The following TATDN1 variants were observed in gnomAD, a reference collection of about 807,000 sequenced individuals.
TATDN1 encodes the protein TatD DNase domain containing 1.
A neutral mutation model predicts 46.4 loss-of-function variants in TATDN1; 40 were observed. The observed-to-expected ratio is 0.86, with a 90% CI of 0.67 to 1.12. The LOEUF (loss-of-function observed/expected upper bound fraction) is 1.12, where lower values mean the gene tolerates loss of function less well. TATDN1 is among the 50% of genes most tolerant of loss of function. TATDN1 has a pLI of 0.00. For synonymous variants in TATDN1, 95 were observed against 105.6 expected (o/e 0.90, Z 0.62); for missense variants, 326 against 348.4 (o/e 0.94, Z 0.51).
chr8:124,507,112 A>T (rs1013899663), intron 8 of TATDN1, among the ~76,000 whole-genome samples: 1 of 151,880 alleles, frequency 6.6e-6, no homozygotes, highest in African/African-American at 2.4e-5. Context: ...CAGTGAGCTG[A>T]GATTGTGCCA....
intron 1 of TATDN1, 167 bp from the exon 2 acceptor site, chr8:124,523,169 G>A: frequency 1.7e-6 from 1 of 603,688 alleles, no homozygotes; most frequent in Non-Finnish European, 2.9e-6. Context: ...GGGATACAAA[G>A]ATGAATAGGA....
At chr8:124,520,872 G>A (rs1819977794) in intron 3 of TATDN1, among the ~76,000 whole-genome samples, 1 of 150,444 alleles carries the variant, frequency 6.6e-6, no homozygotes, top group Non-Finnish European at 1.5e-5. Context: ...GAACCCGGGA[G>A]GCAGAGCTTG....
chr8:124,534,274 A>T (rs138234877), intron 1 of TATDN1, among the ~76,000 whole-genome samples: 658 of 151,838 alleles, frequency 4.3e-3, no homozygotes, highest in Non-Finnish European at 7.2e-3. Context: ...TACATTTTTA[A>T]ATAGTTGAAG....
intron 1 of TATDN1, among the ~76,000 whole-genome samples, chr8:124,534,401 T>C (rs953535797): frequency 1.3e-5 from 2 of 152,190 alleles, no homozygotes; most frequent in African/African-American, 2.4e-5. Flanking sequence ...CACCTGCTTT[T>C]GAATGACAAG....
chr8:124,519,610 A>C (rs1819852180), intron 3 of TATDN1, among the ~76,000 whole-genome samples: 1 of 152,228 alleles, frequency 6.6e-6, no homozygotes, highest in South Asian at 2.1e-4. Context: ...TTAATATAGT[A>C]TGTATCAGTA....
At chr8:124,504,047 A>C (rs1016598113) in intron 9 of TATDN1, 1 of 921,380 alleles carries the variant, frequency 1.1e-6, no homozygotes, top group African/African-American at 1.7e-5. Context: ...ATTGTTTTCC[A>C]TTATTAGAAC....
chr8:124,500,412 T>C (rs938447635), intron 9 of TATDN1, among the ~76,000 whole-genome samples: 9 of 152,088 alleles, frequency 5.9e-5, no homozygotes, highest in Admixed American at 4.6e-4. Flanking sequence ...CATTTAGAAA[T>C]ATCTAAGACA....
At chr8:124,494,076 C>T (rs566878009) in intron 10 of TATDN1, 117 bp from the exon 11 acceptor site, 32 of 981,728 alleles carry the variant, frequency 3.3e-5, no homozygotes, top group South Asian at 6.7e-5. Flanking sequence ...CAAAATGGCA[C>T]AGTTATTTCA....
At chr8:124,536,412 T>C (rs1821431772) in intron 1 of TATDN1, among the ~76,000 whole-genome samples, 2 of 152,084 alleles carry the variant, frequency 1.3e-5, no homozygotes, top group South Asian at 2.1e-4. Flanking sequence ...CCTGGTATGG[T>C]GGTGAGCACC....
intron 2 of TATDN1, 55 bp from the exon 3 acceptor site, chr8:124,522,255 T>G: frequency 9.0e-7 from 1 of 1,108,676 alleles, no homozygotes; most frequent in Admixed American, 2.1e-5. Flanking sequence ...ATTTGACTTT[T>G]TTTTTTAGCT....
intron 9 of TATDN1, among the ~76,000 whole-genome samples, chr8:124,495,829 C>G (rs977606997): frequency 6.6e-6 from 1 of 152,230 alleles, no homozygotes; most frequent in Non-Finnish European, 1.5e-5. Context: ...AAGAATTCAT[C>G]TGCTTCTGAG....
At chr8:124,509,987 T>C (rs1818862256) in intron 6 of TATDN1, among the ~76,000 whole-genome samples, 1 of 145,996 alleles carries the variant, frequency 6.8e-6, no homozygotes, top group South Asian at 2.1e-4. Flanking sequence ...GCTGAGATTG[T>C]ACCACTGCAC....
At chr8:124,507,795 A>C (rs577111542) in intron 8 of TATDN1, among the ~76,000 whole-genome samples, 12 of 151,970 alleles carry the variant, frequency 7.9e-5, no homozygotes, top group African/African-American at 2.7e-4. Flanking sequence ...AAAAAAAAAA[A>C]AAAACAAAAA....
chr8:124,511,727 C>A (rs1246920455), intron 6 of TATDN1, among the ~76,000 whole-genome samples: 1 of 151,664 alleles, frequency 6.6e-6, no homozygotes, highest in African/African-American at 2.4e-5. Context: ...AAAAAAAAAA[C>A]TTTTAAAAGT....
chr8:124,507,627 C>T (rs1818595635), intron 8 of TATDN1, among the ~76,000 whole-genome samples: 1 of 151,662 alleles, frequency 6.6e-6, no homozygotes, highest in Admixed American at 6.6e-5. Flanking sequence ...ACAAAATATA[C>T]AAAAAAATTA....
At chr8:124,524,098 A>C (rs1319647170) in intron 1 of TATDN1, among the ~76,000 whole-genome samples, 1 of 152,218 alleles carries the variant, frequency 6.6e-6, no homozygotes, top group Non-Finnish European at 1.5e-5. Flanking sequence ...GCCAAGTTTC[A>C]GCTTCTTGGT....
rs1820108971 is a variant in TATDN1 at position 124,522,210 on chromosome 8, A to C, written c.89-10T>G. The C allele has an allele frequency of 1.3e-6, 2 of 1,577,504 alleles. No individual in the cohort carries two copies. Among genetic ancestry groups the C allele is most frequent in the Admixed American group, 3.6e-5 (2 of 54,972 alleles). On this transcript the variant is annotated splice_polypyrimidine_tract_variant and intron_variant, in intron 2 of 11. Coordinates refer to ENST00000276692, the MANE Select transcript of TATDN1 (RefSeq NM_032026.4). ...ACATCCTGTAAGTCATCTGTAAAAG[A>C]TAAACTCTGTATTATGAAAACCTGG...
At chr8:124,505,508 C>G (rs892832705) in intron 8 of TATDN1, among the ~76,000 whole-genome samples, 1 of 141,216 alleles carries the variant, frequency 7.1e-6, no homozygotes, top group Non-Finnish European at 1.5e-5. Context: ...AGGCAGATCA[C>G]AAGGTCAGGA....
intron 1 of TATDN1, among the ~76,000 whole-genome samples, chr8:124,530,154 G>A (rs915081538): frequency 3.9e-5 from 6 of 152,072 alleles, no homozygotes; most frequent in Non-Finnish European, 8.8e-5. Flanking sequence ...GTAAAGAATG[G>A]GTTTCCAATG....
Sources: allele counts gnomAD v4.1 joint callset (sites outside exome capture counted in the v4.1 genomes callset), GRCh38; gene constraint gnomAD v4.1.1; transcripts MANE v1.5; gene names NCBI Gene and HGNC (gene_info 2026-07-23, HGNC 2026-07-21).